The following COBL variants were observed in gnomAD, a reference collection of about 807,000 sequenced individuals.
COBL encodes cordon-bleu WH2 repeat protein.
COBL carries 51 observed loss-of-function variants against 98.8 expected under a neutral mutation model. That is an observed-to-expected ratio of 0.52 (90% CI 0.41 to 0.65). The LOEUF (loss-of-function observed/expected upper bound fraction) is 0.65, where lower values mean the gene tolerates loss of function less well. COBL is among the 30% of genes least tolerant of loss of function. The pLI is 0.00. For synonymous variants in COBL, 634 were observed against 651.7 expected, an observed-to-expected ratio of 0.97 and a Z score of 0.41; for missense variants, 1,617 against 1,617.5, an observed-to-expected ratio of 1.00 and a Z score of 0.01.
At chr7:51,022,249 A>C (rs1423436291) in intron 12 of COBL, among the ~76,000 whole-genome samples, 1 of 152,114 alleles carries the variant, frequency 6.6e-6, no homozygotes, top group Non-Finnish European at 1.5e-5. Flanking sequence ...CATAAATATT[A>C]ATTGCCTAGA....
intron 7 of COBL, among the ~76,000 whole-genome samples, chr7:51,068,615 A>C (rs1370118418): frequency 6.6e-6 from 1 of 152,208 alleles, no homozygotes; most frequent in Non-Finnish European, 1.5e-5. Flanking sequence ...AGGAAACTTG[A>C]GGGTGATGGA....
At chr7:51,234,703 A>G (rs1171309907) in intron 1 of COBL, among the ~76,000 whole-genome samples, 1 of 20,992 alleles carries the variant, frequency 4.8e-5, no homozygotes, top group South Asian at 6.6e-4. Context: ...CCTGTTTCAG[A>G]AAAAAAAAAA....
intron 1 of COBL, among the ~76,000 whole-genome samples, chr7:51,242,167 A>G (rs183916201): frequency 2.0e-5 from 3 of 152,306 alleles, no homozygotes; most frequent in Admixed American, 2.0e-4. Context: ...CATAGGGTGT[A>G]ACTTTATAAC....
At chr7:51,062,255 A>C (rs1791452018) in intron 7 of COBL, among the ~76,000 whole-genome samples, 1 of 149,842 alleles carries the variant, frequency 6.7e-6, no homozygotes, top group South Asian at 2.1e-4. Flanking sequence ...TGCTGCAGTA[A>C]CAACAGTTCA....
chr7:51,083,604 T>C (rs1460804112), intron 7 of COBL, among the ~76,000 whole-genome samples: 1 of 152,226 alleles, frequency 6.6e-6, no homozygotes, highest in Non-Finnish European at 1.5e-5. Flanking sequence ...GTTAGTCTTT[T>C]TCAGGTTCAC....
chr7:51,116,665 A>G (rs913974332), intron 6 of COBL, among the ~76,000 whole-genome samples: 5 of 152,068 alleles, frequency 3.3e-5, no homozygotes, highest in Non-Finnish European at 7.4e-5. Flanking sequence ...GACACTCTTT[A>G]TGTCTTTCTA....
intron 1 of COBL, among the ~76,000 whole-genome samples, chr7:51,293,950 G>C (rs1343562077): frequency 2.0e-5 from 3 of 152,094 alleles, no homozygotes; most frequent in Non-Finnish European, 1.5e-5. Context: ...GTATATAAGT[G>C]ACAGGCACTC....
chr7:51,217,049 C>T (rs1793116770), intron 2 of COBL, among the ~76,000 whole-genome samples: 1 of 152,228 alleles, frequency 6.6e-6, no homozygotes, highest in Non-Finnish European at 1.5e-5. Flanking sequence ...CTATAACTCA[C>T]TGATGCTTCA....
chr7:51,097,944 A>C (rs1033907038), intron 6 of COBL, among the ~76,000 whole-genome samples: 6 of 151,022 alleles, frequency 4.0e-5, no homozygotes, highest in African/African-American at 1.5e-4. Flanking sequence ...GAATGGCATG[A>C]ACCCGGCAGG....
In COBL at chr7:51,203,244, C is replaced by T. The variant is rs1387145049; in HGVS notation, c.246-9655G>A. 2.6e-5 allele frequency among the ~76,000 whole-genome samples: 3 copies of T among 116,404 alleles called. 1 individual carries two copies. Among genetic ancestry groups the T allele is most frequent in the African/African-American group, 8.6e-5 (2 of 23,220 alleles). 76.4% of individuals were successfully genotyped at this position (116,404 alleles called of 152,430 possible). On this transcript the variant is annotated intron_variant, in intron 2 of 12. Transcript: ENST00000265136. ...TTGGGAGGCCGAGGCGGGCGGATCACGAGGTCAGGAGATCGAGACCATCCT... is the reference window on the plus strand; with the variant it reads ...TTGGGAGGCCGAGGCGGGCGGATCATGAGGTCAGGAGATCGAGACCATCCT...
intron 6 of COBL, among the ~76,000 whole-genome samples, chr7:51,101,238 G>A (rs1348348291): frequency 1.3e-5 from 2 of 152,170 alleles, no homozygotes; most frequent in Non-Finnish European, 2.9e-5. Flanking sequence ...ATAAAGACAA[G>A]GTCTAATGGG....
In COBL at chr7:51,024,084, C is replaced by T. The variant is rs569789709; in HGVS notation, c.3768+1025G>A. The stretch of plus-strand genomic sequence containing the variant: ...CAGCACTTTGGGAGGCCGAGACAGG[C>T]GGATCATGAGGTCAGGAGATCGAGA... On this transcript the variant is annotated intron_variant, in intron 12 of 12. Transcript: ENST00000265136. 2.0e-4 allele frequency among the ~76,000 whole-genome samples: 31 copies of T among 152,128 alleles called. No homozygotes were observed. The South Asian group carries it at 2.9e-3, about 14-fold the overall frequency.
At chr7:51,259,798 G>A (rs1797554798) in intron 1 of COBL, 4 of 751,742 alleles carry the variant, frequency 5.3e-6, no homozygotes, top group Non-Finnish European at 9.7e-6. Context: ...GGTTCTGGGG[G>A]GTGACTTTTA....
chr7:51,179,597 ATG>A (rs1489790266), intron 5 of COBL, among the ~76,000 whole-genome samples: 1 of 152,128 alleles, frequency 6.6e-6, no homozygotes, highest in African/African-American at 2.4e-5. Flanking sequence ...GAAAAATTTG[ATG>A]TGTCTTGACA....
chr7:51,029,717 T>C (rs906593035), intron 9 of COBL, 126 bp from the exon 10 acceptor site: 17 of 781,974 alleles, frequency 2.2e-5, no homozygotes, highest in Non-Finnish European at 3.3e-5. Flanking sequence ...TTTTAAAATG[T>C]TATTTGGGTT....
intron 6 of COBL, among the ~76,000 whole-genome samples, chr7:51,087,765 T>C (rs1341154500): frequency 6.8e-6 from 1 of 147,300 alleles, no homozygotes; most frequent in Non-Finnish European, 1.5e-5. Context: ...TGAGCCACTG[T>C]GCCCGGCCCC....
intron 8 of COBL, chr7:51,033,142 A>G (rs975575162): frequency 6.6e-6 from 1 of 152,174 alleles, no homozygotes; most frequent in Non-Finnish European, 1.5e-5. Flanking sequence ...AAACAAAACA[A>G]AAACCCACCC....
At chr7:51,181,432 T>C (rs1563004437) in intron 5 of COBL, among the ~76,000 whole-genome samples, 1 of 152,212 alleles carries the variant, frequency 6.6e-6, no homozygotes. Flanking sequence ...ATACACTGGA[T>C]GCCATAACTC....
At chr7:51,253,120 A>T (rs1440456657) in intron 1 of COBL, among the ~76,000 whole-genome samples, 1 of 152,154 alleles carries the variant, frequency 6.6e-6, no homozygotes, top group Non-Finnish European at 1.5e-5. Flanking sequence ...GCTACTCAAG[A>T]GGCTGAGGCA....
Sources: gnomAD v4.1 joint callset for allele counts (sites outside exome capture counted in the v4.1 genomes callset) on GRCh38, gnomAD v4.1.1 for gene constraint, MANE v1.5 for transcripts, NCBI Gene and HGNC (gene_info 2026-07-23, HGNC 2026-07-21) for gene names.